TFDP2: variants seen among roughly 807,000 people sequenced by gnomAD.
TFDP2 encodes the protein transcription factor Dp-2 (E2F dimerization partner 2).
A neutral mutation model predicts 59.3 loss-of-function variants in TFDP2; 17 were observed. That is an observed-to-expected ratio of 0.29 (90% confidence interval 0.20 to 0.43). The LOEUF (loss-of-function observed/expected upper bound fraction) is 0.43, where lower values mean the gene tolerates loss of function less well. Ranked by LOEUF, TFDP2 falls within the 20% of genes least tolerant of loss-of-function variation. TFDP2 has a pLI of 1.00. For missense variants in TFDP2, 391 were observed against 528.8 expected (o/e 0.74, Z 2.56); for synonymous variants, 180 against 194.7 (o/e 0.92, Z 0.63).
At chr3:142,073,465 C>CCT (rs1553796651) in intron 3 of TFDP2, among the ~76,000 whole-genome samples, 1 of 70,128 alleles carries the variant, frequency 1.4e-5, no homozygotes, top group Non-Finnish European at 2.8e-5. Flanking sequence ...CAACCCCCCC[C>CCT]CCCCCGCAAA....
intron 7 of TFDP2, 131 bp downstream of exon 7, chr3:141,978,389 C>A: frequency 1.1e-6 from 1 of 950,866 alleles, no homozygotes; most frequent in Non-Finnish European, 1.4e-6. Context: ...AACTCAACAA[C>A]AACAAAAAAT....
intron 3 of TFDP2, among the ~76,000 whole-genome samples, chr3:142,080,603 C>T (rs1255272428): frequency 1.3e-5 from 2 of 152,116 alleles, no homozygotes; most frequent in Non-Finnish European, 2.9e-5. Context: ...CCACAAGAAA[C>T]ATACTTCACC....
intron 3 of TFDP2, among the ~76,000 whole-genome samples, chr3:142,090,618 TG>T (rs2060967075): frequency 6.6e-6 from 1 of 150,860 alleles, no homozygotes; most frequent in African/African-American, 2.5e-5. Flanking sequence ...TGGAGTGCAA[TG>T]GCATGATCTC....
intron 3 of TFDP2, chr3:142,043,802 G>A (rs1947159564): frequency 5.6e-6 from 9 of 1,593,768 alleles, no homozygotes; most frequent in African/African-American, 2.7e-5. Context: ...TGCTCCATGA[G>A]AATCCGCTTG....
At chr3:142,101,371 A>T (rs550246211) in intron 2 of TFDP2, among the ~76,000 whole-genome samples, 79 of 151,998 alleles carry the variant, frequency 5.2e-4, no homozygotes, top group Admixed American at 1.5e-3. Flanking sequence ...AAAAAAAAAA[A>T]AAATAAGCCA....
intron 6 of TFDP2, chr3:141,989,596 T>G (rs1409583153): frequency 6.6e-6 from 1 of 152,178 alleles, no homozygotes; most frequent in African/African-American, 2.4e-5. Context: ...AGGGTTGGGA[T>G]GGTTCAGCTG....
chr3:142,147,945 C>T (rs73236053), intron 1 of TFDP2, among the ~76,000 whole-genome samples: 12,698 of 151,868 alleles, frequency 0.084, 658 homozygotes, highest in Middle Eastern at 0.14. Context: ...GAAAAGGAAG[C>T]TGCAATATAG....
intron 4 of TFDP2, among the ~76,000 whole-genome samples, chr3:142,002,417 A>T (rs1315301206): frequency 1.4e-5 from 2 of 142,670 alleles, no homozygotes; most frequent in Admixed American, 1.5e-4. Context: ...CCTTGGCCTC[A>T]CAAAATGTTG....
At chr3:141,967,337 G>C (rs573835746) in intron 9 of TFDP2, among the ~76,000 whole-genome samples, 51 of 150,182 alleles carry the variant, frequency 3.4e-4, no homozygotes, top group Non-Finnish European at 4.3e-4. Flanking sequence ...TTGTTGCCCA[G>C]GCTAGGGTGC....
chr3:142,087,520 A>C (rs1252690505), intron 3 of TFDP2, among the ~76,000 whole-genome samples: 1 of 135,710 alleles, frequency 7.4e-6, no homozygotes, highest in Admixed American at 7.6e-5. Context: ...TTTTTTTTTG[A>C]GACAGGGCCT....
intron 3 of TFDP2, among the ~76,000 whole-genome samples, chr3:142,006,469 A>ATTTTTT (rs61099247): frequency 1.5e-5 from 2 of 137,630 alleles, no homozygotes; most frequent in Admixed American, 7.4e-5. Flanking sequence ...TTCCCTTACT[A>ATTTTTT]TTTTTTTTTT....
intron 3 of TFDP2, among the ~76,000 whole-genome samples, chr3:142,041,312 C>G (rs1946958358): frequency 6.6e-6 from 1 of 152,198 alleles, no homozygotes; most frequent in African/African-American, 2.4e-5. Flanking sequence ...TATGGTTTAG[C>G]TGTGGCCCCA....
intron 1 of TFDP2, among the ~76,000 whole-genome samples, chr3:142,109,591 G>A (rs1429518127): frequency 6.6e-6 from 1 of 152,118 alleles, no homozygotes; most frequent in Non-Finnish European, 1.5e-5. Flanking sequence ...GCCTCCCAAA[G>A]TGCTGGGATT....
intron 3 of TFDP2, among the ~76,000 whole-genome samples, chr3:142,053,244 G>A (rs1349616612): frequency 6.6e-6 from 1 of 152,260 alleles, no homozygotes; most frequent in East Asian, 1.9e-4. Flanking sequence ...TGGAGGTGGG[G>A]CCTGATGGGG....
At chr3:142,124,039 TAGAAAAAAACA>T (rs1448170504) in intron 1 of TFDP2, among the ~76,000 whole-genome samples, 18 of 151,574 alleles carry the variant, frequency 1.2e-4, no homozygotes, top group Non-Finnish European at 2.5e-4. Flanking sequence ...CTCATTTACA[TAGAAAAAAACA>T]AGAAAAAAAC....
intron 3 of TFDP2, among the ~76,000 whole-genome samples, chr3:142,070,137 C>A (rs1157939814): frequency 6.6e-6 from 1 of 152,118 alleles, no homozygotes; most frequent in Non-Finnish European, 1.5e-5. Flanking sequence ...AAACTCCTGG[C>A]CTCAAGTAAT....
chr3:142,022,935 C>T (rs966941281), intron 3 of TFDP2, among the ~76,000 whole-genome samples: 17 of 151,726 alleles, frequency 1.1e-4, no homozygotes, highest in African/African-American at 3.1e-4. Context: ...GCCTGGCCAA[C>T]GTGGTGAAAC....
At chr3:141,996,035 G>GT in intron 4 of TFDP2, among the ~76,000 whole-genome samples, 1 of 151,978 alleles carries the variant, frequency 6.6e-6, no homozygotes, top group South Asian at 2.1e-4. Flanking sequence ...AAAGAATGCT[G>GT]TGATAAACAT....
intron 3 of TFDP2, among the ~76,000 whole-genome samples, chr3:142,048,417 G>GAA (rs781139541): frequency 7.5e-6 from 1 of 133,320 alleles, no homozygotes; most frequent in Non-Finnish European, 1.6e-5. Flanking sequence ...TGTCTTAAGG[G>GAA]AAAAAAAAAA....
Sources: allele counts gnomAD v4.1 joint callset (sites outside exome capture counted in the v4.1 genomes callset), GRCh38; gene constraint gnomAD v4.1.1; transcripts MANE v1.5; gene names NCBI Gene and HGNC (gene_info 2026-07-23, HGNC 2026-07-21).